The following KATNAL2 variants were observed in gnomAD, a reference collection of about 807,000 sequenced individuals.
The protein encoded by KATNAL2 is katanin catalytic subunit A1 like 2, also known as katanin p60 ATPase-containing subunit A-like 2.
In KATNAL2, 52 loss-of-function variants were observed where a neutral mutation model predicts 76.3. The ratio of observed to expected loss-of-function variants is 0.68; its 90% CI spans 0.55 to 0.86. The LOEUF is 0.86. Among genes scored for constraint, KATNAL2 ranks in the 40% least tolerant of loss-of-function variants. KATNAL2 has a pLI of 0.00. For missense variants in KATNAL2, 660 were observed against 668.9 expected (o/e 0.99, Z 0.15); for synonymous variants, 243 against 244.2 (o/e 1.00, Z 0.05).
intron 5 of KATNAL2, 147 bp from the exon 6 acceptor site, chr18:47,054,249 G>A (rs1177756315): frequency 1.5e-6 from 1 of 689,222 alleles, no homozygotes; most frequent in Non-Finnish European, 2.5e-6. Flanking sequence ...GTTCTCTCTA[G>A]ATGAGAATAG....
intron 5 of KATNAL2, 101 bp downstream of exon 5, chr18:47,053,147 C>A: frequency 1.0e-6 from 1 of 980,320 alleles, no homozygotes; most frequent in Non-Finnish European, 1.5e-6. Flanking sequence ...CACCCTGCAC[C>A]AAAGGAGTAG....
Position 47,034,491 on chromosome 18 carries a change from T to G in KATNAL2, c.52-11966T>G, listed in dbSNP as rs1478958896. ...AGGGCATCCTTGGGGTTTCCTCTCT[T>G]AAGCAGGCCCCGCATGATTTCTCCC... is the stretch of plus-strand genomic sequence containing the variant. On this transcript the variant is annotated intron_variant, in intron 3 of 17. Coordinates refer to ENST00000683218, the MANE Select transcript of KATNAL2 (RefSeq NM_001387690.1). 6.2e-6 allele frequency: 10 copies of G among 1,614,036 alleles called. No individual in the cohort carries two copies. The East Asian group carries it at 1.1e-4, about 18-fold the overall frequency.
rs930350254 is a variant in KATNAL2 at position 46,917,607 on chromosome 18, G to C, written c.-829G>C. On this transcript the variant is annotated 5_prime_UTR_variant, in exon 1 of 18. Coordinates refer to ENST00000683218, the MANE Select transcript of KATNAL2 (RefSeq NM_001387690.1). ...CGCCTTCCGCCCGCGCCTTCAGTCCGCGCGGCGACAGCGCCCGCCCGCGCC... is the reference window on the plus strand; with the variant it reads ...CGCCTTCCGCCCGCGCCTTCAGTCCCCGCGGCGACAGCGCCCGCCCGCGCC... The C allele has an allele frequency of 9.0e-6, 9 of 995,198 alleles. No individual in the cohort carries two copies. The highest frequency in any genetic ancestry group is 9.6e-6 in the Non-Finnish European group (8 of 829,184). The allele number at this position is 995,198 out of a possible 1,614,324, so 61.6% of individuals were successfully genotyped here.
chr18:47,074,660 A>T (rs1226317860), intron 13 of KATNAL2, among the ~76,000 whole-genome samples: 3 of 152,020 alleles, frequency 2.0e-5, no homozygotes, highest in Non-Finnish European at 2.9e-5. Flanking sequence ...TCAGTCTATA[A>T]TATTTTATTT....
At chr18:47,058,810 C>A (rs2061543822) in intron 7 of KATNAL2, among the ~76,000 whole-genome samples, 1 of 152,176 alleles carries the variant, frequency 6.6e-6, no homozygotes, top group Non-Finnish European at 1.5e-5. Flanking sequence ...TCAAGGTCTC[C>A]TGTTGGGCTC....
chr18:46,944,439 A>G (rs1212112336), intron 1 of KATNAL2, among the ~76,000 whole-genome samples: 3 of 152,230 alleles, frequency 2.0e-5, no homozygotes, highest in South Asian at 4.1e-4. Flanking sequence ...GTTTTCAAGT[A>G]TACGGGATGG....
At chr18:47,051,891 C>G (rs1156596435) in intron 4 of KATNAL2, among the ~76,000 whole-genome samples, 2 of 152,056 alleles carry the variant, frequency 1.3e-5, no homozygotes, top group Non-Finnish European at 2.9e-5. Context: ...ATAAGGAGAC[C>G]TTGTCTGAAA....
rs67089810 is a variant in KATNAL2 at position 46,957,553 on chromosome 18, CTTTTT to C, written c.51+10652_51+10656del. Among the ~76,000 whole-genome samples, 13 of 60,526 alleles carry C rather than the reference CTTTTT, an allele frequency of 2.1e-4. No individual in the cohort carries two copies. In the East Asian group the frequency reaches 6.1e-3, roughly 29 times the overall value. 39.7% of individuals were successfully genotyped at this position (60,526 alleles called of 152,430 possible). ...ACAGGCGTGAACCACCGCGCCTGGC[CTTTTT>C]TTTTTTTTTTTTTTTTTTTTTGAGA... On this transcript the variant is annotated intron_variant, in intron 3 of 17. Coordinates refer to ENST00000683218, the MANE Select transcript of KATNAL2 (RefSeq NM_001387690.1).
rs866564857 is a variant in KATNAL2, at chr18:46,957,313, G to C, written c.51+10390G>C. On this transcript the variant is annotated intron_variant, in intron 3 of 17. Transcript: ENST00000683218. ...CTGTCGCCCAGGCTGGAGTGCAGTG[G>C]CGCGGTCTCGGCTCACTGCAGGCTC... Among the ~76,000 whole-genome samples the C allele has an allele frequency of 1.6e-3, 229 of 146,806 alleles. 1 individual carries two copies. Among genetic ancestry groups the C allele is most frequent in the African/African-American group, 5.4e-3 (214 of 39,800 alleles).
chr18:47,087,752 C>CTGTGTGTGTG (rs35852657), intron 15 of KATNAL2, among the ~76,000 whole-genome samples: 7,962 of 148,484 alleles, frequency 0.054, 258 homozygotes, highest in East Asian at 0.098. Context: ...TCTTTTACAT[C>CTGTGTGTGTG]TGTGTGTGTG....
intron 10 of KATNAL2, among the ~76,000 whole-genome samples, chr18:47,065,872 G>A (rs2061775477): frequency 6.6e-6 from 1 of 152,076 alleles, no homozygotes. Context: ...GGCTGAGGTG[G>A]GAGGATTGCT....
At chr18:47,053,114 A>G in intron 5 of KATNAL2, 68 bp downstream of exon 5, 2 of 1,328,816 alleles carry the variant, frequency 1.5e-6, no homozygotes, top group Non-Finnish European at 2.1e-6. Flanking sequence ...TTCTCATCTT[A>G]TTCCCAGATA....
intron 10 of KATNAL2, among the ~76,000 whole-genome samples, chr18:47,063,641 A>G (rs1040570544): frequency 1.3e-5 from 2 of 152,220 alleles, no homozygotes; most frequent in Admixed American, 6.5e-5. Flanking sequence ...GAAAGGTTTT[A>G]TAGCAGAGCC....
At chr18:46,924,310 C>A (rs1388704200) in intron 1 of KATNAL2, among the ~76,000 whole-genome samples, 1 of 152,178 alleles carries the variant, frequency 6.6e-6, no homozygotes, top group Non-Finnish European at 1.5e-5. Flanking sequence ...CCAGTTTTCC[C>A]AGCACCATTT....
chr18:46,955,378 G>A (rs931433142), intron 3 of KATNAL2, among the ~76,000 whole-genome samples: 3 of 151,042 alleles, frequency 2.0e-5, no homozygotes, highest in African/African-American at 7.3e-5. Flanking sequence ...CACCACGCCT[G>A]GCTAATTTTG....
At chr18:46,940,814 A>G (rs529566532) in intron 1 of KATNAL2, among the ~76,000 whole-genome samples, 87 of 152,322 alleles carry the variant, frequency 5.7e-4, no homozygotes, top group African/African-American at 2.0e-3. Flanking sequence ...ACTTGAGGCC[A>G]GGAGTTTGAC....
intron 1 of KATNAL2, among the ~76,000 whole-genome samples, chr18:46,918,195 T>C (rs530955499): frequency 7.9e-5 from 12 of 151,940 alleles, no homozygotes; most frequent in Non-Finnish European, 1.5e-4. Flanking sequence ...AGAAGGAAGC[T>C]TGATGGCCCC....
At chr18:47,099,515 A>G (rs911986761) in intron 16 of KATNAL2, 110 bp downstream of exon 16, 1 of 1,044,298 alleles carries the variant, frequency 9.6e-7, no homozygotes, top group African/African-American at 1.6e-5. Flanking sequence ...TTAGAATAAG[A>G]TCCAAGCTGC....
intron 15 of KATNAL2, among the ~76,000 whole-genome samples, chr18:47,090,550 T>C (rs1045820883): frequency 6.6e-6 from 1 of 152,126 alleles, no homozygotes; most frequent in African/African-American, 2.4e-5. Context: ...AATAAATGAC[T>C]ATGAGGCGGA....
Sources: allele counts gnomAD v4.1 joint callset (sites outside exome capture counted in the v4.1 genomes callset), GRCh38; gene constraint gnomAD v4.1.1; transcripts MANE v1.5; gene names NCBI Gene and HGNC (gene_info 2026-07-23, HGNC 2026-07-21).